Variants in FRAS1 observed in about 807,000 individuals in gnomAD.
FRAS1 encodes extracellular matrix organizing protein FRAS1.
Under a neutral mutation model 435.2 loss-of-function variants are expected in FRAS1, and 290 were observed. The observed-to-expected ratio is 0.67, with a 90% CI of 0.61 to 0.73. The LOEUF is 0.73. FRAS1 is among the 30% of genes least tolerant of loss of function. The pLI is 0.00. For synonymous variants in FRAS1, 1,800 were observed against 1,851.0 expected (o/e 0.97, Z 0.71); for missense variants, 4,860 against 5,001.5 (o/e 0.97, Z 0.85).
chr4:78,309,587 G>T (rs1728934949), intron 15 of FRAS1, among the ~76,000 whole-genome samples: 1 of 152,138 alleles, frequency 6.6e-6, no homozygotes, highest in Non-Finnish European at 1.5e-5. Context: ...AGATCTTCTG[G>T]CTCTGGGCCT....
rs184916137 is a variant in FRAS1 at position 78,246,565 on chromosome 4, G to A, written c.309+1240G>A. On this transcript the variant is annotated intron_variant, in intron 4 of 73. Transcript: ENST00000512123. The stretch of plus-strand genomic sequence containing the variant: ...ATGTAGGGTGGTGTTGTCTTTAAAT[G>A]TCACAGAAGAAAATCCCTATGAACT... Among the ~76,000 whole-genome samples, 477 of 152,326 alleles carry A rather than the reference G, an allele frequency of 3.1e-3. 4 individuals are homozygous for A. The highest frequency in any genetic ancestry group is 4.8e-3 in the Non-Finnish European group (326 of 68,016).
At chr4:78,445,772 A>T (rs752642254) in intron 42 of FRAS1, 60 bp downstream of exon 42, 1 of 1,569,800 alleles carries the variant, frequency 6.4e-7, no homozygotes, top group Non-Finnish European at 8.6e-7. Context: ...ACACCATTAG[A>T]GAGCTTTCTT....
At chr4:78,427,461 A>G (rs1734041569) in intron 35 of FRAS1, among the ~76,000 whole-genome samples, 1 of 152,254 alleles carries the variant, frequency 6.6e-6, no homozygotes, top group South Asian at 2.1e-4. Context: ...AAACTAATGT[A>G]AAATATAAAG....
At chr4:78,301,268 A>C (rs1459101668) in intron 14 of FRAS1, among the ~76,000 whole-genome samples, 2 of 152,218 alleles carry the variant, frequency 1.3e-5, no homozygotes, top group East Asian at 3.8e-4. Flanking sequence ...TGTATTAACA[A>C]AAGCATAGGT....
At chr4:78,437,809 G>C (rs1190265626) in intron 38 of FRAS1, among the ~76,000 whole-genome samples, 1 of 152,194 alleles carries the variant, frequency 6.6e-6, no homozygotes, top group African/African-American at 2.4e-5. Context: ...TTTATAAGAA[G>C]ATGTTGCCTG....
intron 37 of FRAS1, 87 bp from the exon 38 acceptor site, chr4:78,432,270 C>T (rs1174631212): frequency 1.5e-6 from 2 of 1,363,660 alleles, no homozygotes; most frequent in East Asian, 2.5e-5. Context: ...CTATATGAAC[C>T]TTAAAGTCCT....
At chr4:78,513,272 A>G in intron 64 of FRAS1, 120 bp from the exon 65 acceptor site, 1 of 941,296 alleles carries the variant, frequency 1.1e-6, no homozygotes, top group South Asian at 1.5e-5. Flanking sequence ...GGAAAGCTTC[A>G]GGAAGAAAAA....
At chr4:78,100,358 G>A (rs1262738144) in intron 2 of FRAS1, among the ~76,000 whole-genome samples, 1 of 152,186 alleles carries the variant, frequency 6.6e-6, no homozygotes, top group Non-Finnish European at 1.5e-5. Context: ...GTGAATATGA[G>A]GAAATTCAGG....
intron 2 of FRAS1, among the ~76,000 whole-genome samples, chr4:78,159,767 G>C (rs967990458): frequency 6.6e-6 from 1 of 152,116 alleles, no homozygotes; most frequent in Non-Finnish European, 1.5e-5. Flanking sequence ...TATAATCCCA[G>C]CTACTTGGGA....
intron 4 of FRAS1, among the ~76,000 whole-genome samples, chr4:78,248,624 A>G (rs1725370676): frequency 6.6e-6 from 1 of 152,188 alleles, no homozygotes; most frequent in Non-Finnish European, 1.5e-5. Context: ...TGTTCTCCTC[A>G]AAGTAGAGGA....
At chr4:78,466,185 C>T (rs778005513) in intron 49 of FRAS1, 23 bp from the exon 50 acceptor site, 24 of 1,605,896 alleles carry the variant, frequency 1.5e-5, no homozygotes, top group Non-Finnish European at 1.4e-5. Context: ...TCCCTCCCCT[C>T]TGGTATTTTG....
intron 2 of FRAS1, among the ~76,000 whole-genome samples, chr4:78,216,768 G>A (rs2110091066): frequency 6.6e-6 from 1 of 152,322 alleles, no homozygotes; most frequent in African/African-American, 2.4e-5. Context: ...ATTGGATAGA[G>A]TAGTCAGGGA....
At chr4:78,333,718 G>A (rs1001033563) in intron 19 of FRAS1, among the ~76,000 whole-genome samples, 6 of 152,264 alleles carry the variant, frequency 3.9e-5, no homozygotes, top group South Asian at 2.1e-4. Context: ...AAATCCTGTC[G>A]TGGACTAAAT....
At chr4:78,264,775 A>G in intron 6 of FRAS1, 1 of 535,636 alleles carries the variant, frequency 1.9e-6, no homozygotes, top group South Asian at 1.8e-5. Context: ...TATTATTGTT[A>G]TTTGTGCTTT....
At chr4:78,448,586 C>T (rs1718926621) in intron 44 of FRAS1, among the ~76,000 whole-genome samples, 1 of 152,084 alleles carries the variant, frequency 6.6e-6, no homozygotes, top group Non-Finnish European at 1.5e-5. Context: ...ATTTCCAGGG[C>T]CCTCAAAAAT....
intron 69 of FRAS1, 101 bp downstream of exon 69, chr4:78,522,909 A>G: frequency 1.9e-6 from 2 of 1,079,190 alleles, no homozygotes; most frequent in South Asian, 3.8e-5. Context: ...CTAGACTTTT[A>G]TTTTAAAAGG....
chr4:78,500,208 T>TAA (rs904175836), intron 61 of FRAS1, among the ~76,000 whole-genome samples: 1 of 151,334 alleles, frequency 6.6e-6, no homozygotes, highest in South Asian at 2.1e-4. Flanking sequence ...GATCACTTGT[T>TAA]AAAAAAAAAT....
intron 2 of FRAS1, among the ~76,000 whole-genome samples, chr4:78,119,796 A>G (rs979709482): frequency 1.3e-5 from 2 of 152,172 alleles, no homozygotes; most frequent in African/African-American, 4.8e-5. Context: ...GTCCCAGGTG[A>G]TTCTGATACT....
intron 27 of FRAS1, among the ~76,000 whole-genome samples, chr4:78,380,582 C>A (rs1288251739): frequency 6.6e-6 from 1 of 152,208 alleles, no homozygotes; most frequent in Non-Finnish European, 1.5e-5. Flanking sequence ...TTAACACCAA[C>A]CCAAGCAAAT....
Sources: gnomAD v4.1 joint callset for allele counts (sites outside exome capture counted in the v4.1 genomes callset) on GRCh38, gnomAD v4.1.1 for gene constraint, MANE v1.5 for transcripts, NCBI Gene and HGNC (gene_info 2026-07-23, HGNC 2026-07-21) for gene names.